The following CDH26 variants were observed in gnomAD, a reference collection of about 807,000 sequenced individuals.
CDH26 encodes the protein cadherin-like protein 26.
Under a neutral mutation model 90.3 loss-of-function variants are expected in CDH26, and 83 were observed. The ratio of observed to expected loss-of-function variants is 0.92; its 90% confidence interval spans 0.77 to 1.10. CDH26 has a LOEUF of 1.10. CDH26 is among the 50% of genes least tolerant of loss of function. CDH26 has a pLI of 0.00. For missense variants in CDH26, 1,013 were observed against 1,037.6 expected, an observed-to-expected ratio of 0.98 and a Z score of 0.33; for synonymous variants, 397 against 396.3, an observed-to-expected ratio of 1.00 and a Z score of -0.02.
chr20:60,002,781 T>A (rs1056393643), intron 15 of CDH26, 32 bp from the exon 16 acceptor site: 75 of 1,551,816 alleles, frequency 4.8e-5, no homozygotes, highest in Non-Finnish European at 6.6e-5. Flanking sequence ...GTAATTTATT[T>A]GAAATCAGTA....
rs534364343 is a variant in CDH26, at chr20:59,983,086, G to T, written c.541+16G>T. On this transcript the variant is annotated intron_variant, in intron 5 of 17. Transcript: ENST00000348616. ...CAATCTGCAGGTGTGTGCGGCTGGG[G>T]GGCTGCCGGGCTTCCTTCTGTCTCT... The T allele has an allele frequency of 6.2e-7, 1 of 1,610,768 alleles. No individual in the cohort carries two copies. The highest frequency in any genetic ancestry group is 2.2e-5 in the East Asian group (1 of 44,814).
At chr20:59,968,610 C>T (rs2061209373) in intron 1 of CDH26, among the ~76,000 whole-genome samples, 1 of 152,024 alleles carries the variant, frequency 6.6e-6, no homozygotes, top group Non-Finnish European at 1.5e-5. Flanking sequence ...ACCTCATCAC[C>T]AATTAATATT....
intron 1 of CDH26, among the ~76,000 whole-genome samples, chr20:59,962,349 G>T (rs796717304): frequency 6.6e-6 from 1 of 152,158 alleles, no homozygotes; most frequent in Non-Finnish European, 1.5e-5. Context: ...TGAAACCAAG[G>T]CGTCAGCAGG....
At chr20:60,015,451 A>C (rs2061897048), downstream of CDH26, among the ~76,000 whole-genome samples, 1 of 152,128 alleles carries the variant, frequency 6.6e-6, no homozygotes, top group Non-Finnish European at 1.5e-5. Flanking sequence ...TGTTCAGATC[A>C]TTTACCCATT....
chr20:59,983,131 A>T (rs2061414053), intron 5 of CDH26, 61 bp downstream of exon 5: 4 of 1,553,970 alleles, frequency 2.6e-6, no homozygotes, highest in Non-Finnish European at 3.5e-6. Context: ...CTTTTCATTA[A>T]TATTGATGAG....
At chr20:60,033,791 G>A in exon 9 of CDH26, 1 of 1,172,000 alleles carries the variant, frequency 8.5e-7, no homozygotes, top group Non-Finnish European at 1.1e-6. Flanking sequence ...GTGTGTGTGT[G>A]TGTGTGTGTG....
intron 2 of CDH26, among the ~76,000 whole-genome samples, chr20:59,969,273 G>A (rs937996310): frequency 1.3e-5 from 2 of 152,192 alleles, no homozygotes; most frequent in African/African-American, 4.8e-5. Flanking sequence ...AAGCATGGAG[G>A]TTTGTCCACA....
intron 7 of CDH26, among the ~76,000 whole-genome samples, chr20:60,021,137 G>C (rs189305733): frequency 6.6e-6 from 1 of 152,182 alleles, no homozygotes; most frequent in African/African-American, 2.4e-5. Flanking sequence ...GTGGGGGTCT[G>C]GGAGAGCACC....
rs1334288851 is a variant in CDH26 at position 59,987,527 on chromosome 20, A to G, written c.912A>G (p.Pro304=). The G allele has an allele frequency of 6.2e-7, 1 of 1,613,990 alleles. No homozygotes were observed. Among genetic ancestry groups the G allele is most frequent in the Non-Finnish European group, 8.5e-7 (1 of 1,179,946 alleles). The change falls in exon 8 of 18, where the codon CCA becomes CCG. Residue 304 remains proline (P), a synonymous_variant. Coordinates refer to ENST00000348616, the MANE Select transcript of CDH26 (RefSeq NM_177980.4). The stretch of plus-strand genomic sequence containing the variant: ...TCCTGGTTCAAGATCGAGATTCTCC[A>G]TTTACATCAGCTTGGAGAGCAAAAT... ...LRLLVQDRDS[P]FTSAWRAKFN...
chr20:59,975,721 G>C (rs747910783), intron 4 of CDH26, among the ~76,000 whole-genome samples: 1 of 152,152 alleles, frequency 6.6e-6, no homozygotes, highest in Non-Finnish European at 1.5e-5. Context: ...TGTTGGCTTT[G>C]GCAGTCCATC....
chr20:60,012,806 C>G lies in CDH26; in HGVS notation c.*76C>G. ...TATTCAGGGATTTTTCCCCTTTGCTCTTCTTTTCCCTCCTTAAAAGAAAAA... is the reference window on the plus strand; with the variant it reads ...TATTCAGGGATTTTTCCCCTTTGCTGTTCTTTTCCCTCCTTAAAAGAAAAA... On this transcript the variant is annotated 3_prime_UTR_variant, in exon 18 of 18. Transcript: ENST00000348616. The G allele has an allele frequency of 7.2e-7, 1 of 1,390,794 alleles. No homozygotes were observed. The highest frequency in any genetic ancestry group is 9.9e-7 in the Non-Finnish European group (1 of 1,006,560). 86.2% of individuals were successfully genotyped at this position (1,390,794 alleles called of 1,614,324 possible). A position where few individuals can be genotyped will look rare whatever the true frequency, so the allele number is the denominator to read the frequency against.
intron 2 of CDH26, 85 bp downstream of exon 2, chr20:59,969,108 A>G: frequency 2.5e-6 from 2 of 804,852 alleles, no homozygotes; most frequent in South Asian, 1.6e-5. Flanking sequence ...GGAGTTCTTT[A>G]GTGCCCTGCC....
At chr20:60,032,897 T>C (rs2062052342) in intron 8 of CDH26, among the ~76,000 whole-genome samples, 1 of 150,314 alleles carries the variant, frequency 6.7e-6, no homozygotes, top group Non-Finnish European at 1.5e-5. Context: ...TACCTAATGC[T>C]AGATGACGAG....
chr20:60,033,594 C>A, exon 9 of CDH26: 1 of 1,304,718 alleles, frequency 7.7e-7, no homozygotes, highest in Non-Finnish European at 1.0e-6. Flanking sequence ...TCCCCATCAC[C>A]CCTTAACAAA....
At chr20:60,009,956 C>T (rs750087642) in intron 17 of CDH26, among the ~76,000 whole-genome samples, 2 of 152,150 alleles carry the variant, frequency 1.3e-5, no homozygotes, top group African/African-American at 2.4e-5. Context: ...TCCCCCTGCC[C>T]CCAGCTCCCC....
chr20:59,958,430 C>A lies in CDH26; in HGVS notation c.-297C>A, dbSNP rs2061025779. On this transcript the variant is annotated 5_prime_UTR_variant, in exon 1 of 18. Coordinates refer to ENST00000348616, the MANE Select transcript of CDH26 (RefSeq NM_177980.4). ...TTCCTGAGGTCAGACCCCAGCCAGTCTTTTGTGTACGTGCAGGACCATGGT... is the reference window on the plus strand; with the variant it reads ...TTCCTGAGGTCAGACCCCAGCCAGTATTTTGTGTACGTGCAGGACCATGGT... 9.9e-6 allele frequency: 3 copies of A among 301,544 alleles called. No individual in the cohort carries two copies. The East Asian group carries it at 1.9e-4, about 19-fold the overall frequency. 18.7% of individuals were successfully genotyped at this position (301,544 alleles called of 1,614,324 possible).
chr20:59,971,635 G>C (rs2061262134), intron 3 of CDH26, among the ~76,000 whole-genome samples: 1 of 152,196 alleles, frequency 6.6e-6, no homozygotes, highest in Non-Finnish European at 1.5e-5. Context: ...GATGTGTCCT[G>C]CTAGTCATTC....
chr20:59,967,813 A>ATTTATTTC (rs1337342795), intron 1 of CDH26, among the ~76,000 whole-genome samples: 2 of 44,042 alleles, frequency 4.5e-5, no homozygotes. Context: ...TCCCTCCCTC[A>ATTTATTTC]TTTCTTTCTT....
chr20:59,992,478 A>G lies in CDH26; in HGVS notation c.1384A>G (p.Asn462Asp). ...AATTGACCGAGAATCCCCTCATGTA[A>G]ATAACAGTTTTTATGTAATCATCAT... ...EPIDRESPHV[N>D]NSFYVIIIHA... Residue 462 changes from asparagine to aspartate, a missense_variant, in exon 10 of 18, where the codon AAT becomes GAT. Asn to Asp is a conservative substitution (Grantham distance 23, BLOSUM62 1). Transcript: ENST00000348616. The surrounding 1 kb of genome is among the most constrained non-coding windows in gnomAD (Gnocchi z 5.0). 6.2e-7 allele frequency: 1 copy of G among 1,614,122 alleles called. No homozygotes were observed. Among genetic ancestry groups the G allele is most frequent in the Non-Finnish European group, 8.5e-7 (1 of 1,180,012 alleles).
Sources: allele counts gnomAD v4.1 joint callset (sites outside exome capture counted in the v4.1 genomes callset), GRCh38; gene constraint gnomAD v4.1.1; non-coding constraint Gnocchi (gnomAD v3.1); transcripts MANE v1.5; gene names NCBI Gene and HGNC (gene_info 2026-07-23, HGNC 2026-07-21).